PIK3R3: variants seen among roughly 807,000 people sequenced by gnomAD.
PIK3R3 encodes phosphatidylinositol 3-kinase regulatory subunit gamma.
In PIK3R3, 64 loss-of-function variants were observed where a neutral mutation model predicts 62.9. The ratio of observed to expected loss-of-function variants is 1.02; its 90% CI spans 0.83 to 1.25. The LOEUF is 1.25. Ranked by LOEUF, PIK3R3 falls within the 50% of genes most tolerant of loss-of-function variation. PIK3R3 has a pLI of 0.00. For missense variants in PIK3R3, 614 were observed against 561.6 expected, an observed-to-expected ratio of 1.09 and a Z score of -0.94; for synonymous variants, 165 against 189.0, an observed-to-expected ratio of 0.87 and a Z score of 1.04.
chr1:46,144,215 G>C, the PIK3R3 span, among the ~76,000 whole-genome samples: 1 of 152,186 alleles, frequency 6.6e-6, no homozygotes, highest in Non-Finnish European at 1.5e-5. Flanking sequence ...AGGCTGAGTT[G>C]CAAAGGAAGC....
chr1:46,090,612 C>A (rs903106219), intron 1 of PIK3R3, among the ~76,000 whole-genome samples: 1 of 151,812 alleles, frequency 6.6e-6, no homozygotes, highest in Non-Finnish European at 1.5e-5. Flanking sequence ...GGATTACAGG[C>A]GTGAGCCACC....
At chr1:46,079,820 G>C (rs1189930769) in intron 2 of PIK3R3, among the ~76,000 whole-genome samples, 1 of 151,858 alleles carries the variant, frequency 6.6e-6, no homozygotes, top group Non-Finnish European at 1.5e-5. Context: ...AGGGTATGGT[G>C]ATGCATGACT....
At chr1:46,063,984 G>A (rs1229146484) in intron 5 of PIK3R3, among the ~76,000 whole-genome samples, 4 of 152,124 alleles carry the variant, frequency 2.6e-5, no homozygotes, top group African/African-American at 4.8e-5. Flanking sequence ...AGGCTGAGTC[G>A]GGTCGATCAC....
At chr1:46,066,003 G>A in intron 5 of PIK3R3, 51 bp downstream of exon 5, 1 of 1,542,870 alleles carries the variant, frequency 6.5e-7, no homozygotes. Flanking sequence ...AAAATTTGAT[G>A]TAACTAAAAC....
chr1:46,040,773 G>C lies in PIK3R3; in HGVS notation c.*2900C>G, dbSNP rs1320450813. ...CTCAAAGCTTCTTCAAAGCACATGA[G>C]GCCTAAATAAGTGGAGGTCCCATCA... is the stretch of plus-strand genomic sequence containing the variant. On this transcript the variant is annotated 3_prime_UTR_variant, in exon 10 of 10. Transcript: ENST00000262741. 5.2e-6 allele frequency: 1 copy of C among 192,398 alleles called. No homozygotes were observed. The highest frequency in any genetic ancestry group is 1.1e-5 in the Non-Finnish European group (1 of 92,002). The allele number at this position is 192,398 out of a possible 1,614,324, so 11.9% of individuals were successfully genotyped here. A position where few individuals can be genotyped will look rare whatever the true frequency, so the allele number is the denominator to read the frequency against.
intron 1 of PIK3R3, among the ~76,000 whole-genome samples, chr1:46,116,393 CT>C (rs1279697276): frequency 6.6e-6 from 1 of 152,044 alleles, no homozygotes; most frequent in Non-Finnish European, 1.5e-5. Context: ...TAGTGCATAC[CT>C]GTAGTCTCAC....
At chr1:46,163,462 T>C in the PIK3R3 span, among the ~76,000 whole-genome samples, 3 of 152,278 alleles carry the variant, frequency 2.0e-5, no homozygotes, top group South Asian at 6.2e-4. Flanking sequence ...GCTTGCCACT[T>C]TTTGAGGTCC....
At chr1:46,138,378 G>C in the PIK3R3 span, among the ~76,000 whole-genome samples, 1 of 152,308 alleles carries the variant, frequency 6.6e-6, no homozygotes, top group East Asian at 1.9e-4. Context: ...AAGATAAAAA[G>C]ACCAGGCATG....
intron 6 of PIK3R3, among the ~76,000 whole-genome samples, chr1:46,059,006 AC>A (rs1367446983): frequency 6.6e-6 from 1 of 152,170 alleles, no homozygotes. Context: ...TGTGGGAGGG[AC>A]CAAGGTGAAA....
At chr1:46,080,537 A>C in intron 2 of PIK3R3, 105 bp downstream of exon 2, 1 of 757,538 alleles carries the variant, frequency 1.3e-6, no homozygotes, top group Admixed American at 2.0e-5. Flanking sequence ...CTGGGATTAT[A>C]GGCATGAGCC....
intron 1 of PIK3R3, among the ~76,000 whole-genome samples, chr1:46,107,591 C>G (rs1171014117): frequency 6.6e-6 from 1 of 152,078 alleles, no homozygotes; most frequent in Non-Finnish European, 1.5e-5. Flanking sequence ...AGAAACACAG[C>G]TTTCTATATG....
Position 46,046,003 on chromosome 1 carries a change from C to T in PIK3R3, c.1102G>A (p.Ala368Thr). 1 of 1,612,688 alleles carries T rather than the reference C, an allele frequency of 6.2e-7. No individual in the cohort carries two copies. Among genetic ancestry groups the T allele is most frequent in the Non-Finnish European group, 8.5e-7 (1 of 1,178,842 alleles). The change falls in exon 9 of 10, where the codon GCA becomes ACA. Residue 368 changes from alanine to threonine, a missense_variant. Physicochemically the swap from Ala to Thr is moderately conservative, Grantham distance 58. Transcript: ENST00000262741. The stretch of plus-strand genomic sequence containing the variant: ...GGTTTCCCATAAAGCAAGTCCTCTG[C>T]TTGTACTCGATTGATATCCTCAACA... ...WFVEDINRVQ[A>T]EDLLYGKPDG...
chr1:46,131,941 C>A lies in PIK3R3; in HGVS notation c.12G>T (p.Thr4=), dbSNP rs764288804. ...CGTCATCGCGGTCCATACTCCACACCGTATTGTACATCGCGCTGTCAGGGG... is the reference window on the plus strand; with the variant it reads ...CGTCATCGCGGTCCATACTCCACACAGTATTGTACATCGCGCTGTCAGGGG... MYN[T]VWSMDRDDAD... Residue 4 remains threonine (T), a synonymous_variant, in exon 1 of 10, where the codon ACG becomes ACT. Transcript: ENST00000262741. The A allele has an allele frequency of 6.2e-7, 1 of 1,613,932 alleles. No homozygotes were observed. Among genetic ancestry groups the A allele is most frequent in the Admixed American group, 1.7e-5 (1 of 60,014 alleles).
intron 1 of PIK3R3, among the ~76,000 whole-genome samples, chr1:46,123,545 C>A (rs1479867173): frequency 1.3e-5 from 2 of 152,082 alleles, no homozygotes; most frequent in Non-Finnish European, 2.9e-5. Context: ...AACAGTAAAA[C>A]AATGAAAATA....
At chr1:46,045,715 C>T (rs980390624) in intron 9 of PIK3R3, among the ~76,000 whole-genome samples, 5 of 137,216 alleles carry the variant, frequency 3.6e-5, no homozygotes, top group Non-Finnish European at 7.7e-5. Context: ...GCCTAATCTA[C>T]TTACCACGTA....
intron 2 of PIK3R3, 135 bp downstream of exon 2, chr1:46,080,507 A>G (rs1241540435): frequency 3.0e-6 from 2 of 664,724 alleles, no homozygotes; most frequent in Non-Finnish European, 5.4e-6. Flanking sequence ...GTGATTCTTC[A>G]GCCTCAGCCT....
intron 3 of PIK3R3, among the ~76,000 whole-genome samples, chr1:46,075,636 T>C (rs978581318): frequency 1.4e-5 from 2 of 147,764 alleles, no homozygotes; most frequent in African/African-American, 4.9e-5. Context: ...AAAAAAAAAA[T>C]TACCTTCCTC....
chr1:46,132,671 G>A (rs1195281113), upstream of PIK3R3: 4 of 1,289,586 alleles, frequency 3.1e-6, no homozygotes, highest in Middle Eastern at 2.1e-4. Context: ...GCGCGGAGGG[G>A]ACACCCTCCC....
chr1:46,132,473 G>A lies in PIK3R3; in HGVS notation c.-521C>T. On this transcript the variant is annotated 5_prime_UTR_variant, in exon 1 of 10. Coordinates refer to ENST00000262741, the MANE Select transcript of PIK3R3 (RefSeq NM_003629.4). Reference sequence around the variant, plus strand: ...CAGAGAGCGAATCCCCCAGAGGCCGGGACTCGGGCTCCTCTCCGGTCGGTC... The same window carrying A: ...CAGAGAGCGAATCCCCCAGAGGCCGAGACTCGGGCTCCTCTCCGGTCGGTC... The A allele has an allele frequency of 8.3e-7, 1 of 1,200,510 alleles. No homozygotes were observed. 74.4% of individuals were successfully genotyped at this position (1,200,510 alleles called of 1,614,324 possible). A position where few individuals can be genotyped will look rare whatever the true frequency, so the allele number is the denominator to read the frequency against.
Sources: gnomAD v4.1 joint callset for allele counts (sites outside exome capture counted in the v4.1 genomes callset) on GRCh38, gnomAD v4.1.1 for gene constraint, MANE v1.5 for transcripts, NCBI Gene and HGNC (gene_info 2026-07-23, HGNC 2026-07-21) for gene names.